The following CAST variants were observed in gnomAD, a reference collection of about 807,000 sequenced individuals.
The protein encoded by CAST is calpastatin.
A neutral mutation model predicts 119.6 loss-of-function variants in CAST; 76 were observed. The observed-to-expected ratio is 0.64, with a 90% confidence interval of 0.53 to 0.77. CAST has a LOEUF of 0.77. CAST is among the 30% of genes least tolerant of loss of function. The pLI, the probability that CAST is intolerant of heterozygous loss-of-function variation, is 0.00. For synonymous variants in CAST, 319 were observed against 331.6 expected, an observed-to-expected ratio of 0.96 and a Z score of 0.41; for missense variants, 953 against 946.5, an observed-to-expected ratio of 1.01 and a Z score of -0.09.
At chr5:96,277,903 A>C in the CAST span, among the ~76,000 whole-genome samples, 1 of 152,180 alleles carries the variant, frequency 6.6e-6, no homozygotes, top group Admixed American at 6.5e-5. Context: ...CCAGCAGGCC[A>C]TGAGTGTGGT....
chr5:96,465,870 C>A, the CAST span, among the ~76,000 whole-genome samples: 1 of 152,044 alleles, frequency 6.6e-6, no homozygotes, highest in Admixed American at 6.6e-5. Context: ...TAGGAATGGG[C>A]ACAGCCATAT....
At chr5:96,144,197 G>T in the CAST span, among the ~76,000 whole-genome samples, 1 of 152,138 alleles carries the variant, frequency 6.6e-6, no homozygotes, top group Non-Finnish European at 1.5e-5. Context: ...ATATTTGAAA[G>T]TTATCATTAA....
At chr5:96,320,094 C>T in the CAST span, among the ~76,000 whole-genome samples, 2 of 151,840 alleles carry the variant, frequency 1.3e-5, no homozygotes, top group South Asian at 2.1e-4. Context: ...GTTTCTGGAG[C>T]CTTCACATTT....
chr5:96,360,141 T>C, the CAST span, among the ~76,000 whole-genome samples: 42 of 152,034 alleles, frequency 2.8e-4, no homozygotes, highest in Admixed American at 4.6e-4. Flanking sequence ...TTGATAGTTA[T>C]GTATGCTTCA....
the CAST span, among the ~76,000 whole-genome samples, chr5:96,093,453 C>A: frequency 2.0e-5 from 3 of 152,276 alleles, no homozygotes; most frequent in East Asian, 5.8e-4. Flanking sequence ...GGACAATGGG[C>A]AGGGTGGAGC....
chr5:96,717,640 T>C (rs13184900), intron 3 of CAST, among the ~76,000 whole-genome samples: 50,201 of 152,074 alleles, frequency 0.33, 8,428 homozygotes, highest in Non-Finnish European at 0.36. Flanking sequence ...AAATGGCAGC[T>C]GGATTCCACC....
chr5:96,047,311 C>T, the CAST span, among the ~76,000 whole-genome samples: 3 of 152,074 alleles, frequency 2.0e-5, no homozygotes, highest in Non-Finnish European at 4.4e-5. Context: ...AGAGATTTTG[C>T]TTTAGGTTAG....
the CAST span, among the ~76,000 whole-genome samples, chr5:96,388,074 G>C: frequency 6.6e-6 from 1 of 152,220 alleles, no homozygotes; most frequent in Admixed American, 6.5e-5. Flanking sequence ...GTGGAGGAGA[G>C]AGAAAGTGCT....
chr5:96,468,944 A>G, the CAST span, among the ~76,000 whole-genome samples: 1 of 152,120 alleles, frequency 6.6e-6, no homozygotes, highest in Non-Finnish European at 1.5e-5. Context: ...TAAACTAAAA[A>G]TAATATGTGC....
the CAST span, among the ~76,000 whole-genome samples, chr5:96,421,187 C>A: frequency 0.025 from 3,739 of 152,276 alleles, 151 homozygotes; most frequent in African/African-American, 0.086. Flanking sequence ...TTCACCTCTC[C>A]CTTTAGAAGA....
chr5:96,433,233 G>A, the CAST span: 4 of 631,584 alleles, frequency 6.3e-6, no homozygotes, highest in South Asian at 1.8e-5. Flanking sequence ...GAAGCGCTTC[G>A]GTCTCCAGGC....
the CAST span, among the ~76,000 whole-genome samples, chr5:96,178,896 T>A: frequency 6.6e-6 from 1 of 152,214 alleles, no homozygotes; most frequent in Non-Finnish European, 1.5e-5. Context: ...CAAACTCAAC[T>A]GATTACTTCT....
At chr5:96,536,986 T>C (rs556826583) in intron 1 of CAST, among the ~76,000 whole-genome samples, 10 of 152,364 alleles carry the variant, frequency 6.6e-5, no homozygotes, top group African/African-American at 2.4e-4. Context: ...ACTCTAATTC[T>C]CTTATAATTT....
chr5:96,040,002 G>A, the CAST span, among the ~76,000 whole-genome samples: 1 of 152,160 alleles, frequency 6.6e-6, no homozygotes, highest in Non-Finnish European at 1.5e-5. Context: ...TCCTATCCAT[G>A]AGCATGGAAT....
the CAST span, among the ~76,000 whole-genome samples, chr5:96,350,625 G>A: frequency 6.6e-6 from 1 of 152,022 alleles, no homozygotes; most frequent in Non-Finnish European, 1.5e-5. Context: ...AGGCAGGTTT[G>A]CCTGACACAA....
the CAST span, among the ~76,000 whole-genome samples, chr5:96,325,204 AAAAAT>A: frequency 3.3e-5 from 5 of 152,090 alleles, no homozygotes; most frequent in African/African-American, 1.2e-4. Flanking sequence ...AGCCTGTCTC[AAAAAT>A]AAAATAAAAT....
chr5:96,704,475 G>C (rs1158188843), intron 3 of CAST, among the ~76,000 whole-genome samples: 4 of 152,170 alleles, frequency 2.6e-5, no homozygotes, highest in Non-Finnish European at 5.9e-5. Context: ...AATCAGCTGA[G>C]TATTTATGTT....
At chr5:96,199,125 A>G in the CAST span, among the ~76,000 whole-genome samples, 1 of 152,126 alleles carries the variant, frequency 6.6e-6, no homozygotes, top group Admixed American at 6.6e-5. Context: ...CAACTTGATT[A>G]TTTTCCCTTG....
the CAST span, among the ~76,000 whole-genome samples, chr5:96,481,891 C>T: frequency 2.0e-5 from 3 of 152,088 alleles, no homozygotes; most frequent in African/African-American, 7.2e-5. Flanking sequence ...GTAATAATCA[C>T]AATCACTGTG....
Sources: gnomAD v4.1 joint callset for allele counts (sites outside exome capture counted in the v4.1 genomes callset) on GRCh38, gnomAD v4.1.1 for gene constraint, MANE v1.5 for transcripts, NCBI Gene and HGNC (gene_info 2026-07-23, HGNC 2026-07-21) for gene names.